KPNA4: variants seen among roughly 807,000 people sequenced by gnomAD.
The protein encoded by KPNA4 is karyopherin subunit alpha 4, also known as importin subunit alpha-3.
KPNA4 carries 13 observed loss-of-function variants against 71.3 expected under a neutral mutation model. That is an observed-to-expected ratio of 0.18 (90% confidence interval 0.12 to 0.29). The LOEUF (loss-of-function observed/expected upper bound fraction) is 0.29. KPNA4 is among the 10% of genes least tolerant of loss of function. KPNA4 has a pLI of 1.00. For missense variants in KPNA4, 334 were observed against 603.2 expected (o/e 0.55, Z 4.67); for synonymous variants, 189 against 195.2 (o/e 0.97, Z 0.26).
intron 8 of KPNA4, among the ~76,000 whole-genome samples, chr3:160,527,451 AAAT>A (rs1721479957): frequency 6.6e-6 from 1 of 152,240 alleles, no homozygotes; most frequent in Non-Finnish European, 1.5e-5. Context: ...TGGTGACAGG[AAAT>A]AATATTACTA....
rs1721355811 is a variant in KPNA4, at chr3:160,521,822, G to T, written c.860C>A (p.Pro287His). ...GTGGCTGAGCAGAGGAACCAAATGAGGAACTATTCCAGAGTCTATTACCAT... is the reference window on the plus strand; with the variant it reads ...GTGGCTGAGCAGAGGAACCAAATGATGAACTATTCCAGAGTCTATTACCAT... ...IQMVIDSGIV[P>H]HLVPLLSHQE... The change falls in exon 11 of 17, where the codon CCT (proline) becomes CAT (histidine). Residue 287 changes from proline (P) to histidine (H), a missense_variant. Coordinates refer to ENST00000334256, the MANE Select transcript of KPNA4 (RefSeq NM_002268.5). 1 of 1,612,666 alleles carries T rather than the reference G, an allele frequency of 6.2e-7. No individual in the cohort carries two copies.
chr3:160,523,339 T>C (rs1369722028), intron 10 of KPNA4, among the ~76,000 whole-genome samples: 1 of 152,072 alleles, frequency 6.6e-6, no homozygotes, highest in Admixed American at 6.6e-5. Context: ...ATTGTTTATT[T>C]TTTCTTGTTT....
chr3:160,554,915 C>A (rs1722107336), intron 1 of KPNA4, among the ~76,000 whole-genome samples: 1 of 152,152 alleles, frequency 6.6e-6, no homozygotes, highest in Non-Finnish European at 1.5e-5. Context: ...AGAGTGCTTC[C>A]CTGAGTTCTG....
At chr3:160,503,808 C>T (rs1310823681) in intron 16 of KPNA4, among the ~76,000 whole-genome samples, 3 of 152,186 alleles carry the variant, frequency 2.0e-5, no homozygotes, top group South Asian at 4.1e-4. Flanking sequence ...CCAGGCTGGG[C>T]GTGGTGGCTC....
intron 8 of KPNA4, 97 bp downstream of exon 8, chr3:160,527,856 A>G: frequency 2.4e-6 from 2 of 834,004 alleles, no homozygotes; most frequent in Non-Finnish European, 1.9e-6. Flanking sequence ...CTAGTACTGA[A>G]GGCAAACTGT....
chr3:160,504,059 G>C (rs1472292065), intron 16 of KPNA4, among the ~76,000 whole-genome samples: 2 of 152,028 alleles, frequency 1.3e-5, no homozygotes, highest in African/African-American at 4.8e-5. Context: ...ACTCCAGCCT[G>C]GGCCCCGTCT....
chr3:160,556,937 C>G (rs766889715), intron 1 of KPNA4, among the ~76,000 whole-genome samples: 4 of 152,104 alleles, frequency 2.6e-5, no homozygotes. Flanking sequence ...ACCAAACCTA[C>G]CCTAAATAGG....
At chr3:160,503,101 ACT>A (rs1188534857) in intron 16 of KPNA4, among the ~76,000 whole-genome samples, 10 of 151,882 alleles carry the variant, frequency 6.6e-5, no homozygotes, top group African/African-American at 2.2e-4. Flanking sequence ...ACAGAGCAAA[ACT>A]CTGTCTCAAA....
chr3:160,532,089 G>A (rs1721587468), intron 5 of KPNA4, among the ~76,000 whole-genome samples: 1 of 152,208 alleles, frequency 6.6e-6, no homozygotes, highest in South Asian at 2.1e-4. Context: ...ACGGAGCCTG[G>A]CCACTTTACT....
intron 1 of KPNA4, among the ~76,000 whole-genome samples, chr3:160,549,903 T>G (rs1352020794): frequency 6.6e-6 from 1 of 152,232 alleles, no homozygotes; most frequent in Non-Finnish European, 1.5e-5. Context: ...TGTTTTCCAT[T>G]TGTGTTTCTT....
chr3:160,527,991 A>G lies in KPNA4; in HGVS notation c.518T>C (p.Val173Ala), dbSNP rs1721494104. The change falls in exon 8 of 17, where the codon GTC (valine) becomes GCC (alanine). Residue 173 changes from valine (V) to alanine (A), a missense_variant. Transcript: ENST00000334256. Reference sequence around the variant, plus strand: ...CAATGCCCACACTGCTTGCTCACAGACATTCTGATGGGGTGAATGGAGAAG... The same window carrying G: ...CAATGCCCACACTGCTTGCTCACAGGCATTCTGATGGGGTGAATGGAGAAG... Reference protein sequence around the residue: ...LRLLHSPHQNVCEQAVWALGN... With the variant: ...LRLLHSPHQNACEQAVWALGN... 2 of 1,612,926 alleles carry G rather than the reference A, an allele frequency of 1.2e-6. No individual in the cohort carries two copies. The highest frequency in any genetic ancestry group is 1.7e-6 in the Non-Finnish European group (2 of 1,179,330).
chr3:160,556,165 A>G (rs1304352112), intron 1 of KPNA4, among the ~76,000 whole-genome samples: 4 of 152,194 alleles, frequency 2.6e-5, no homozygotes, highest in African/African-American at 7.2e-5. Flanking sequence ...TGTTATGGAT[A>G]ATGCTGCTAT....
Position 160,497,258 on chromosome 3 carries a change from T to C in KPNA4, c.*4846A>G, listed in dbSNP as rs1463614753. The C allele has an allele frequency of 6.6e-6, 1 of 152,040 alleles. No homozygotes were observed. Among genetic ancestry groups the C allele is most frequent in the Non-Finnish European group, 1.5e-5 (1 of 68,034 alleles). The allele number at this position is 152,040 out of a possible 1,614,324, so 9.4% of individuals were successfully genotyped here. On this transcript the variant is annotated 3_prime_UTR_variant, in exon 17 of 17. Coordinates refer to ENST00000334256, the MANE Select transcript of KPNA4 (RefSeq NM_002268.5). ...GGTGAAACCCCATTTCTACTAAAAA[T>C]ACAAAAATTAGCCAGGCGTGGTAGC...
intron 11 of KPNA4, 138 bp from the exon 12 acceptor site, chr3:160,515,718 G>A: frequency 1.1e-6 from 1 of 876,388 alleles, no homozygotes; most frequent in Non-Finnish European, 1.7e-6. Flanking sequence ...AGGCTCAAGT[G>A]ATCCTCCCAC....
At chr3:160,553,742 G>T (rs1490098552) in intron 1 of KPNA4, among the ~76,000 whole-genome samples, 1 of 152,218 alleles carries the variant, frequency 6.6e-6, no homozygotes, top group African/African-American at 2.4e-5. Flanking sequence ...TAACGAAAGA[G>T]ATGCAATCCT....
chr3:160,510,695 G>A (rs1056009341), intron 13 of KPNA4, among the ~76,000 whole-genome samples: 10 of 151,698 alleles, frequency 6.6e-5, no homozygotes, highest in Admixed American at 4.6e-4. Context: ...TCTTATAGGG[G>A]AATTAGCCCT....
At chr3:160,508,299 C>A (rs571114887) in intron 14 of KPNA4, 30 bp from the exon 15 acceptor site, 3 of 1,497,066 alleles carry the variant, frequency 2.0e-6, no homozygotes, top group African/African-American at 1.4e-5. Context: ...TAAAATAATG[C>A]AATATAGGTA....
rs780959101 is a variant in KPNA4, at chr3:160,527,910, A to G, written c.556+43T>C. On this transcript the variant is annotated intron_variant, in intron 8 of 16. Transcript: ENST00000334256. ...AGTAGCTATTTTTATTACTTAGTATATGATAACAATTTTTAGACTAGTATT... is the reference window on the plus strand; with the variant it reads ...AGTAGCTATTTTTATTACTTAGTATGTGATAACAATTTTTAGACTAGTATT... 9.0e-6 allele frequency: 13 copies of G among 1,442,178 alleles called. No homozygotes were observed. In the East Asian group the frequency reaches 3.0e-4, roughly 33 times the overall value. The allele number at this position is 1,442,178 out of a possible 1,614,324, so 89.3% of individuals were successfully genotyped here.
At position 160,498,501 on chromosome 3, in the gene KPNA4, G is replaced by A. The variant is rs1475132117; in HGVS notation, c.*3603C>T. 1 of 152,252 alleles carries A rather than the reference G, an allele frequency of 6.6e-6. No individual in the cohort carries two copies. The highest frequency in any genetic ancestry group is 2.4e-5 in the African/African-American group (1 of 41,440). The allele number at this position is 152,252 out of a possible 1,614,324, so 9.4% of individuals were successfully genotyped here. ...GACTACAATGCAGGGCAAAGGTGAA[G>A]GGATTTTGCAGGGGTAATGAAGGTA... On this transcript the variant is annotated 3_prime_UTR_variant, in exon 17 of 17. Coordinates refer to ENST00000334256, the MANE Select transcript of KPNA4 (RefSeq NM_002268.5).
Sources: allele counts gnomAD v4.1 joint callset (sites outside exome capture counted in the v4.1 genomes callset), GRCh38; gene constraint gnomAD v4.1.1; transcripts MANE v1.5; gene names NCBI Gene and HGNC (gene_info 2026-07-23, HGNC 2026-07-21).